SMARCC1: variants seen among roughly 807,000 people sequenced by gnomAD.
The protein encoded by SMARCC1 is SWI/SNF related BAF chromatin remodeling complex subunit C1, also known as SWI/SNF complex subunit SMARCC1.
A neutral mutation model predicts 147.4 loss-of-function variants in SMARCC1; 43 were observed. The ratio of observed to expected loss-of-function variants is 0.29; its 90% confidence interval spans 0.23 to 0.38. The LOEUF (loss-of-function observed/expected upper bound fraction) is 0.38. Ranked by LOEUF, SMARCC1 falls within the 10% of genes least tolerant of loss-of-function variation. The pLI is 1.00. For synonymous variants in SMARCC1, 495 were observed against 484.4 expected, an observed-to-expected ratio of 1.02 and a Z score of -0.29; for missense variants, 1,119 against 1,381.1, an observed-to-expected ratio of 0.81 and a Z score of 3.01.
intron 6 of SMARCC1, among the ~76,000 whole-genome samples, chr3:47,725,654 G>A (rs1397407847): frequency 6.6e-6 from 1 of 151,676 alleles, no homozygotes; most frequent in African/African-American, 2.4e-5. Flanking sequence ...GTTTCACCAT[G>A]TTGGCAAGGC....
chr3:47,605,831 A>G (rs1265264141), intron 26 of SMARCC1, among the ~76,000 whole-genome samples: 2 of 152,156 alleles, frequency 1.3e-5, no homozygotes, highest in African/African-American at 4.8e-5. Context: ...TTGTGGTTAC[A>G]TTTAGATAAC....
Position 47,729,083 on chromosome 3 carries a change from C to T in SMARCC1, c.588G>A (p.Thr196=), listed in dbSNP as rs561279574. The stretch of plus-strand genomic sequence containing the variant: ...GGTGGGAAGCTTTTGACTTCTCATC[C>T]GTAAATGTTCCCTGGAAAGCAAATG... ...DIIKRHQGTF[T]DEKSKASHHI... Residue 196 remains threonine (T), a synonymous_variant, in exon 6 of 28, where the codon ACG becomes ACA. Coordinates refer to ENST00000254480, the MANE Select transcript of SMARCC1 (RefSeq NM_003074.4). The T allele has an allele frequency of 4.3e-6, 7 of 1,609,868 alleles. No individual in the cohort carries two copies. Among genetic ancestry groups the T allele is most frequent in the South Asian group, 3.3e-5 (3 of 90,630 alleles).
chr3:47,772,775 G>A, intron 2 of SMARCC1, 42 bp downstream of exon 2: 1 of 1,563,934 alleles, frequency 6.4e-7, no homozygotes, highest in Non-Finnish European at 8.7e-7. Flanking sequence ...AAAGTATACA[G>A]CAACTGAGGA....
chr3:47,601,607 T>C (rs1035756804), intron 26 of SMARCC1: 13 of 151,250 alleles, frequency 8.6e-5, no homozygotes, highest in Non-Finnish European at 1.9e-4. Context: ...GAAAGTAGCA[T>C]GGCTACTCCG....
chr3:47,638,608 C>T, intron 22 of SMARCC1, 117 bp downstream of exon 22: 1 of 734,304 alleles, frequency 1.4e-6, no homozygotes, highest in Non-Finnish European at 2.4e-6. Flanking sequence ...CAGCAAAGTC[C>T]AAGTAGCTGA....
At chr3:47,615,334 G>A (rs1272619222) in intron 25 of SMARCC1, among the ~76,000 whole-genome samples, 1 of 152,200 alleles carries the variant, frequency 6.6e-6, no homozygotes, top group Non-Finnish European at 1.5e-5. Flanking sequence ...TGCTCAGTGA[G>A]TATTTGGCAA....
rs893472533 is a variant in SMARCC1, at chr3:47,587,025, T to C, written c.*1184A>G. The C allele has an allele frequency of 6.6e-6, 1 of 152,574 alleles. No homozygotes were observed. The highest frequency in any genetic ancestry group is 6.5e-5 in the Admixed American group (1 of 15,282). The allele number at this position is 152,574 out of a possible 1,614,324, so 9.5% of individuals were successfully genotyped here. On this transcript the variant is annotated 3_prime_UTR_variant, in exon 28 of 28. Transcript: ENST00000254480. ...CAGCATCTCTTTGAAAACCCTGTGA[T>C]AGATGGAATGTGAGATCTCAGAAAT...
intron 14 of SMARCC1, among the ~76,000 whole-genome samples, chr3:47,685,837 A>C (rs181706842): frequency 1.6e-4 from 24 of 152,296 alleles, no homozygotes; most frequent in African/African-American, 5.3e-4. Context: ...AGCCAGGGTG[A>C]CAAAGCAAGA....
At chr3:47,630,186 T>C (rs529650408) in intron 24 of SMARCC1, among the ~76,000 whole-genome samples, 1 of 6,968 alleles carries the variant, frequency 1.4e-4, no homozygotes, top group African/African-American at 5.0e-4. Flanking sequence ...GGGTGGGGGG[T>C]GGGGGGTGGT....
chr3:47,748,438 G>A (rs144461875), intron 2 of SMARCC1, among the ~76,000 whole-genome samples: 548 of 152,200 alleles, frequency 3.6e-3, no homozygotes, highest in Non-Finnish European at 5.6e-3. Context: ...TGGCCAAGCT[G>A]ATATGAAACT....
chr3:47,644,020 C>G (rs1169452894), intron 21 of SMARCC1, among the ~76,000 whole-genome samples: 1 of 152,106 alleles, frequency 6.6e-6, no homozygotes, highest in African/African-American at 2.4e-5. Context: ...GATTCCATAT[C>G]TATAAAAAAA....
chr3:47,762,809 G>A (rs949058176), intron 2 of SMARCC1, among the ~76,000 whole-genome samples: 2 of 152,146 alleles, frequency 1.3e-5, no homozygotes, highest in Non-Finnish European at 2.9e-5. Flanking sequence ...GCTCACGCCT[G>A]TAATCCCAGC....
chr3:47,634,021 T>C (rs1302405242), intron 24 of SMARCC1, among the ~76,000 whole-genome samples: 1 of 152,034 alleles, frequency 6.6e-6, no homozygotes, highest in Non-Finnish European at 1.5e-5. Context: ...CAAGTTATAT[T>C]AGCCGTCACT....
At chr3:47,643,899 A>T (rs913087105) in intron 21 of SMARCC1, among the ~76,000 whole-genome samples, 1 of 152,178 alleles carries the variant, frequency 6.6e-6, no homozygotes, top group Non-Finnish European at 1.5e-5. Context: ...ATTATAAAAA[A>T]CCCCAAAATG....
intron 3 of SMARCC1, among the ~76,000 whole-genome samples, chr3:47,743,442 T>C (rs1314290782): frequency 6.6e-6 from 1 of 152,196 alleles, no homozygotes; most frequent in Non-Finnish European, 1.5e-5. Context: ...TATCTTCCTT[T>C]TTTTTTGAGA....
intron 11 of SMARCC1, among the ~76,000 whole-genome samples, chr3:47,699,323 G>C (rs1376607011): frequency 6.6e-6 from 1 of 152,140 alleles, no homozygotes; most frequent in South Asian, 2.1e-4. Flanking sequence ...TAATTCTCCT[G>C]CTTATTATTT....
At chr3:47,769,352 T>G (rs548305506) in intron 2 of SMARCC1, among the ~76,000 whole-genome samples, 173 of 145,580 alleles carry the variant, frequency 1.2e-3, no homozygotes, top group African/African-American at 4.3e-3. Context: ...CTGTGTCTAC[T>G]AGAAAATACA....
chr3:47,677,352 C>T (rs891600669), intron 16 of SMARCC1, among the ~76,000 whole-genome samples: 2 of 150,364 alleles, frequency 1.3e-5, no homozygotes, highest in African/African-American at 2.4e-5. Context: ...CTACCCACCT[C>T]GGCCTCCCAA....
At chr3:47,650,317 A>ATTC (rs386396572) in intron 21 of SMARCC1, among the ~76,000 whole-genome samples, 45 of 147,482 alleles carry the variant, frequency 3.1e-4, no homozygotes, top group Admixed American at 2.0e-4. Flanking sequence ...TATTATTATT[A>ATTC]TTCAAGAAAA....
Sources: allele counts gnomAD v4.1 joint callset (sites outside exome capture counted in the v4.1 genomes callset), GRCh38; gene constraint gnomAD v4.1.1; transcripts MANE v1.5; gene names NCBI Gene and HGNC (gene_info 2026-07-23, HGNC 2026-07-21).